The following SAMD5 variants were observed in gnomAD, a reference collection of about 807,000 sequenced individuals.
SAMD5 encodes sterile alpha motif domain containing 5.
Under a neutral mutation model 11.3 loss-of-function variants are expected in SAMD5, and 13 were observed. That is an observed-to-expected ratio of 1.15 (90% confidence interval 0.75 to 1.83). The LOEUF is 1.83. Among genes scored for constraint, SAMD5 ranks in the 40% most tolerant of loss-of-function variants. The pLI is 0.00. For missense variants in SAMD5, 255 were observed against 239.1 expected, an observed-to-expected ratio of 1.07 and a Z score of -0.44; for synonymous variants, 129 against 111.3, an observed-to-expected ratio of 1.16 and a Z score of -1.00.
chr6:147,845,842 C>T, the SAMD5 span, among the ~76,000 whole-genome samples: 1 of 152,164 alleles, frequency 6.6e-6, no homozygotes, highest in Non-Finnish European at 1.5e-5. Flanking sequence ...ATTCAACATG[C>T]ACTTACTATA....
At chr6:147,719,165 T>C (rs1390154937) in intron 1 of SAMD5, among the ~76,000 whole-genome samples, 4 of 152,206 alleles carry the variant, frequency 2.6e-5, no homozygotes, top group Admixed American at 2.0e-4. Context: ...CCCAGAGCTA[T>C]TCTAGAGAGT....
At chr6:147,927,203 G>C in the SAMD5 span, among the ~76,000 whole-genome samples, 95 of 152,270 alleles carry the variant, frequency 6.2e-4, no homozygotes, top group African/African-American at 2.2e-3. Context: ...TGTGAAGAAT[G>C]TCATTGGTAG....
intron 1 of SAMD5, among the ~76,000 whole-genome samples, chr6:147,730,854 C>T (rs1293974847): frequency 6.6e-6 from 1 of 152,078 alleles, no homozygotes; most frequent in Non-Finnish European, 1.5e-5. Context: ...ACCATTGGTG[C>T]TGGCAGTGTG....
At chr6:147,546,192 AC>A (rs1788682471) in intron 1 of SAMD5, among the ~76,000 whole-genome samples, 1 of 152,060 alleles carries the variant, frequency 6.6e-6, no homozygotes, top group African/African-American at 2.4e-5. Flanking sequence ...TTAAAACATG[AC>A]CTCTTCAGGG....
At chr6:147,944,446 C>T in the SAMD5 span, among the ~76,000 whole-genome samples, 1 of 152,112 alleles carries the variant, frequency 6.6e-6, no homozygotes, top group Non-Finnish European at 1.5e-5. Flanking sequence ...GACACTTATT[C>T]ACTATCATGA....
At chr6:147,836,377 T>C in the SAMD5 span, among the ~76,000 whole-genome samples, 8 of 152,202 alleles carry the variant, frequency 5.3e-5, no homozygotes, top group African/African-American at 1.9e-4. Flanking sequence ...CCATTATAGA[T>C]GCTCCTTGAC....
chr6:147,706,181 C>T lies in SAMD5; in HGVS notation c.163-31136C>T, dbSNP rs1791322628. On this transcript the variant is annotated intron_variant, in intron 1 of 1. Coordinates refer to the SAMD5 transcript ENST00000566741. ...TTTAACTATTTGGTTATGATTGTGTCTTGGACCAATAATGCTTACCTTGTG... is the reference window on the plus strand; with the variant it reads ...TTTAACTATTTGGTTATGATTGTGTTTTGGACCAATAATGCTTACCTTGTG... Among the ~76,000 whole-genome samples, 4 of 151,968 alleles carry T rather than the reference C, an allele frequency of 2.6e-5. No individual in the cohort carries two copies. The South Asian group carries it at 8.3e-4, about 32-fold the overall frequency.
chr6:147,585,932 G>T (rs1789367282), intron 1 of SAMD5, among the ~76,000 whole-genome samples: 1 of 152,128 alleles, frequency 6.6e-6, no homozygotes, highest in Non-Finnish European at 1.5e-5. Context: ...AAAAGATAAA[G>T]GTTGTAATTT....
chr6:147,709,030 G>T (rs929173583), intron 1 of SAMD5, among the ~76,000 whole-genome samples: 6 of 152,126 alleles, frequency 3.9e-5, no homozygotes, highest in African/African-American at 1.2e-4. Flanking sequence ...AATAATCAGC[G>T]GTGGCTGTAT....
chr6:147,865,158 G>A, the SAMD5 span, among the ~76,000 whole-genome samples: 1 of 152,192 alleles, frequency 6.6e-6, no homozygotes, highest in Non-Finnish European at 1.5e-5. Flanking sequence ...GTGAACTGAT[G>A]AGAATCAGTG....
chr6:147,828,576 C>T, the SAMD5 span, among the ~76,000 whole-genome samples: 3 of 152,202 alleles, frequency 2.0e-5, no homozygotes, highest in Non-Finnish European at 4.4e-5. Context: ...GAGCCTATGT[C>T]TTCCTCCCGT....
Position 147,565,420 on chromosome 6 carries a change from T to A in SAMD5, c.*964T>A. The stretch of plus-strand genomic sequence containing the variant: ...GAAATTAACAGGAATCTAGAGTTTT[T>A]CTAATTCTTATCGTCTTATCGTTCT... On this transcript the variant is annotated 3_prime_UTR_variant, in exon 2 of 2. Transcript: ENST00000367474. 1 of 985,404 alleles carries A rather than the reference T, an allele frequency of 1.0e-6. No homozygotes were observed. The allele number at this position is 985,404 out of a possible 1,614,324, so 61.0% of individuals were successfully genotyped here. A position where few individuals can be genotyped will look rare whatever the true frequency, so the allele number is the denominator to read the frequency against.
chr6:147,532,632 CT>C (rs1788447093), intron 1 of SAMD5, among the ~76,000 whole-genome samples: 1 of 152,090 alleles, frequency 6.6e-6, no homozygotes, highest in Non-Finnish European at 1.5e-5. Context: ...ACTTCTTTTC[CT>C]TTGGGTAGAT....
chr6:147,556,088 GTTATTA>G (rs1469245071), intron 1 of SAMD5, among the ~76,000 whole-genome samples: 1 of 151,800 alleles, frequency 6.6e-6, no homozygotes, highest in Non-Finnish European at 1.5e-5. Flanking sequence ...ATTTACTAGT[GTTATTA>G]TTATTTTTTT....
At chr6:147,900,864 T>C in the SAMD5 span, among the ~76,000 whole-genome samples, 1 of 152,228 alleles carries the variant, frequency 6.6e-6, no homozygotes. Flanking sequence ...ATTATGAATG[T>C]TTTGCCTTAT....
chr6:147,560,541 G>A (rs1047391087), intron 1 of SAMD5, among the ~76,000 whole-genome samples: 19 of 152,134 alleles, frequency 1.2e-4, no homozygotes, highest in African/African-American at 4.6e-4. Context: ...CTGCAATTGA[G>A]CTACATCCTT....
At chr6:147,835,291 G>A in the SAMD5 span, among the ~76,000 whole-genome samples, 1 of 150,888 alleles carries the variant, frequency 6.6e-6, no homozygotes, top group Non-Finnish European at 1.5e-5. Flanking sequence ...GTTGTGTTTG[G>A]ACCAGTTTCA....
At chr6:147,782,445 A>G in the SAMD5 span, among the ~76,000 whole-genome samples, 2 of 152,236 alleles carry the variant, frequency 1.3e-5, no homozygotes. Context: ...TAATGATGCC[A>G]TGGATTATAA....
At chr6:147,593,204 C>T (rs1299627449) in intron 1 of SAMD5, among the ~76,000 whole-genome samples, 2 of 152,166 alleles carry the variant, frequency 1.3e-5, no homozygotes, top group Admixed American at 6.5e-5. Context: ...AGATCTTACT[C>T]TGTATCATGC....
Sources: allele counts gnomAD v4.1 joint callset (sites outside exome capture counted in the v4.1 genomes callset), GRCh38; gene constraint gnomAD v4.1.1; transcripts MANE v1.5; gene names NCBI Gene and HGNC (gene_info 2026-07-23, HGNC 2026-07-21).